Variants in PPARGC1B observed in about 807,000 individuals in gnomAD.
PPARGC1B encodes PPARG coactivator 1 beta.
PPARGC1B carries 34 observed loss-of-function variants against 101.6 expected under a neutral mutation model. The ratio of observed to expected loss-of-function variants is 0.33; its 90% CI spans 0.25 to 0.45. PPARGC1B has a LOEUF of 0.45. Among genes scored for constraint, PPARGC1B ranks in the 20% least tolerant of loss-of-function variants. The pLI, the probability that PPARGC1B is intolerant of heterozygous loss-of-function variation, is 1.00. For missense variants in PPARGC1B, 1,234 were observed against 1,317.6 expected, an observed-to-expected ratio of 0.94 and a Z score of 0.98; for synonymous variants, 548 against 539.3, an observed-to-expected ratio of 1.02 and a Z score of -0.22.
chr5:149,800,962 T>C (rs1757410415), intron 1 of PPARGC1B, among the ~76,000 whole-genome samples: 1 of 152,180 alleles, frequency 6.6e-6, no homozygotes, highest in Admixed American at 6.5e-5. Flanking sequence ...GAAAATCAGA[T>C]CTAGAAACGT....
intron 1 of PPARGC1B, among the ~76,000 whole-genome samples, chr5:149,819,535 A>G (rs1292643531): frequency 2.6e-5 from 4 of 151,482 alleles, no homozygotes; most frequent in African/African-American, 9.7e-5. Flanking sequence ...GACAGTTTCC[A>G]TCTGTCACCC....
rs2113465380 is a variant in PPARGC1B at position 149,851,457 on chromosome 5, C to G, written c.*3899C>G. 1 of 152,326 alleles carries G rather than the reference C, an allele frequency of 6.6e-6. No homozygotes were observed. 9.4% of individuals were successfully genotyped at this position (152,326 alleles called of 1,614,324 possible). A position where few individuals can be genotyped will look rare whatever the true frequency, so the allele number is the denominator to read the frequency against. ...CCAGAGGATGTATTGATCTGACTCA[C>G]TGATGTCAAAATTGCAGTATTTTTT... is the stretch of plus-strand genomic sequence containing the variant. On this transcript the variant is annotated 3_prime_UTR_variant, in exon 12 of 12. Transcript: ENST00000309241.
chr5:149,778,904 G>A (rs945826374), intron 1 of PPARGC1B, among the ~76,000 whole-genome samples: 24 of 152,148 alleles, frequency 1.6e-4, no homozygotes, highest in South Asian at 2.1e-4. Context: ...TATCCAGAAA[G>A]TTTTAGAAAT....
intron 3 of PPARGC1B, among the ~76,000 whole-genome samples, chr5:149,830,043 AAAAAAAAAAAAG>A (rs1561602087): frequency 1.3e-4 from 16 of 126,932 alleles, no homozygotes; most frequent in African/African-American, 4.8e-4. Context: ...AAAAAAAAAA[AAAAAAAAAAAAG>A]AAAAAAAAAA....
At chr5:149,794,024 T>A (rs1223672125) in intron 1 of PPARGC1B, among the ~76,000 whole-genome samples, 1 of 152,260 alleles carries the variant, frequency 6.6e-6, no homozygotes, top group East Asian at 1.9e-4. Flanking sequence ...ATGTGTTGTC[T>A]GTGGCTGCTT....
intron 1 of PPARGC1B, among the ~76,000 whole-genome samples, chr5:149,814,371 CT>C (rs142002643): frequency 7.9e-5 from 12 of 152,284 alleles, no homozygotes; most frequent in East Asian, 5.8e-4. Context: ...TGTTTCCCCC[CT>C]ATGTGGATCT....
intron 1 of PPARGC1B, among the ~76,000 whole-genome samples, chr5:149,752,305 G>A (rs569739463): frequency 5.9e-5 from 9 of 152,238 alleles, no homozygotes; most frequent in African/African-American, 1.4e-4. Flanking sequence ...TTACTCAGTC[G>A]GGCTGTTTGA....
downstream of PPARGC1B, among the ~76,000 whole-genome samples, chr5:149,855,636 C>T (rs1232823833): frequency 6.6e-6 from 1 of 152,140 alleles, no homozygotes; most frequent in African/African-American, 2.4e-5. Flanking sequence ...GTACTTCCAG[C>T]AAGTAGGGTG....
In PPARGC1B at chr5:149,734,630, A is replaced by T. The variant is rs566741887; in HGVS notation, c.78+4210A>T. ...ATGTATGTCTTTGTTTCTTCCTTTA[A>T]GTTCCTAGAAGTGAAATTACTCCAT... On this transcript the variant is annotated intron_variant, in intron 1 of 11. Coordinates refer to ENST00000309241, the MANE Select transcript of PPARGC1B (RefSeq NM_133263.4). Among the ~76,000 whole-genome samples the T allele has an allele frequency of 6.6e-5, 10 of 152,236 alleles. No individual in the cohort carries two copies. In the South Asian group the frequency reaches 2.1e-3, roughly 32 times the overall value.
At chr5:149,769,481 G>A (rs895064766) in intron 1 of PPARGC1B, among the ~76,000 whole-genome samples, 12 of 152,306 alleles carry the variant, frequency 7.9e-5, no homozygotes, top group Non-Finnish European at 1.3e-4. Context: ...TCATCCAGGA[G>A]GGGAAGTGCT....
rs1269097718 is a variant in PPARGC1B at position 149,778,475 on chromosome 5, GT to G, written c.79-41957del. 3.3e-5 allele frequency among the ~76,000 whole-genome samples: 5 copies of G among 152,032 alleles called. No individual in the cohort carries two copies. The East Asian group carries it at 9.6e-4, about 29-fold the overall frequency. On this transcript the variant is annotated intron_variant, in intron 1 of 11. Coordinates refer to ENST00000309241, the MANE Select transcript of PPARGC1B (RefSeq NM_133263.4). ...CCCTGGGTTGGGGACCTTCAGGACT[GT>G]CTCATGGAGAGTACCTGCATCCCTG...
intron 1 of PPARGC1B, among the ~76,000 whole-genome samples, chr5:149,815,172 G>T (rs1399090282): frequency 6.6e-6 from 1 of 152,148 alleles, no homozygotes; most frequent in Admixed American, 6.5e-5. Context: ...GGGTGTTATG[G>T]GTTGAATTGT....
chr5:149,828,600 G>A (rs912095930), intron 3 of PPARGC1B, among the ~76,000 whole-genome samples: 11 of 152,196 alleles, frequency 7.2e-5, no homozygotes, highest in African/African-American at 2.2e-4. Context: ...GGCAAAGCGC[G>A]ACCCCTGCTG....
intron 11 of PPARGC1B, chr5:149,847,248 C>T: frequency 1.4e-6 from 1 of 698,092 alleles, no homozygotes; most frequent in South Asian, 1.5e-5. Context: ...ATAGGACAGC[C>T]AAGGCCCTGA....
intron 1 of PPARGC1B, among the ~76,000 whole-genome samples, chr5:149,791,800 C>T (rs1455575897): frequency 6.6e-6 from 1 of 152,216 alleles, no homozygotes; most frequent in Non-Finnish European, 1.5e-5. Context: ...CTACCTTTAA[C>T]AACTTCTGAC....
intron 10 of PPARGC1B, among the ~76,000 whole-genome samples, chr5:149,845,215 C>G (rs531647389): frequency 1.3e-5 from 2 of 152,104 alleles, no homozygotes; most frequent in Non-Finnish European, 2.9e-5. Context: ...GAAGACCAGC[C>G]CTACTAGGGG....
At chr5:149,773,136 A>C (rs935979512) in intron 1 of PPARGC1B, among the ~76,000 whole-genome samples, 1 of 152,136 alleles carries the variant, frequency 6.6e-6, no homozygotes, top group Non-Finnish European at 1.5e-5. Context: ...GGCTGGGCTG[A>C]TGCTTTCAGT....
chr5:149,764,707 T>C (rs1184266294), intron 1 of PPARGC1B, among the ~76,000 whole-genome samples: 1 of 152,160 alleles, frequency 6.6e-6, no homozygotes, highest in Non-Finnish European at 1.5e-5. Flanking sequence ...TTTGAGAAAA[T>C]ATAGCTGGTA....
chr5:149,740,597 G>A (rs1350435410), intron 1 of PPARGC1B, among the ~76,000 whole-genome samples: 1 of 152,206 alleles, frequency 6.6e-6, no homozygotes, highest in Non-Finnish European at 1.5e-5. Flanking sequence ...ATACCCAATA[G>A]TGGTTAAGAG....
Sources: gnomAD v4.1 joint callset for allele counts (sites outside exome capture counted in the v4.1 genomes callset) on GRCh38, gnomAD v4.1.1 for gene constraint, MANE v1.5 for transcripts, NCBI Gene and HGNC (gene_info 2026-07-23, HGNC 2026-07-21) for gene names.